APC: variants seen among roughly 807,000 people sequenced by gnomAD.
APC encodes adenomatous polyposis coli protein.
Under a neutral mutation model 247.0 loss-of-function variants are expected in APC, and 72 were observed. That is an observed-to-expected ratio of 0.29 (90% CI 0.24 to 0.35). The LOEUF is 0.35. Among genes scored for constraint, APC ranks in the 10% least tolerant of loss-of-function variants. The pLI, the probability that APC is intolerant of heterozygous loss-of-function variation, is 1.00. For synonymous variants in APC, 1,254 were observed against 1,162.5 expected, an observed-to-expected ratio of 1.08 and a Z score of -1.60; for missense variants, 3,400 against 3,360.7, an observed-to-expected ratio of 1.01 and a Z score of -0.29.
chr5:112,836,967 C>T (rs1466024587), intron 15 of APC, among the ~76,000 whole-genome samples: 1 of 152,184 alleles, frequency 6.6e-6, no homozygotes, highest in Non-Finnish European at 1.5e-5. Context: ...TCCTAAAGTG[C>T]TGGGATTACA....
chr5:112,783,765 CAAAAAAA>C (rs77929348), intron 6 of APC: 173 of 197,764 alleles, frequency 8.7e-4, no homozygotes, highest in South Asian at 1.3e-3. Context: ...CCACTGCACT[CAAAAAAA>C]AAAAAAAAAA....
At chr5:112,783,713 C>T in intron 6 of APC, 1 of 283,006 alleles carries the variant, frequency 3.5e-6, no homozygotes, top group South Asian at 3.1e-5. Flanking sequence ...AGGAGGATCC[C>T]TTGAGCCCAG....
intron 2 of APC, among the ~76,000 whole-genome samples, chr5:112,760,151 CAGG>C (rs947121921): frequency 2.0e-5 from 3 of 152,062 alleles, no homozygotes; most frequent in Admixed American, 6.6e-5. Flanking sequence ...TTGGCACAAG[CAGG>C]AGGACTTCAC....
At chr5:112,767,961 C>T (rs915019291) in intron 4 of APC, among the ~76,000 whole-genome samples, 1 of 152,018 alleles carries the variant, frequency 6.6e-6, no homozygotes, top group Non-Finnish European at 1.5e-5. Context: ...CCTGTAATCC[C>T]AGCTACTCTG....
Position 112,842,368 on chromosome 5 carries a change from C to T in APC, c.6774C>T (p.Ser2258=). 4 of 1,614,046 alleles carry T rather than the reference C, an allele frequency of 2.5e-6. No homozygotes were observed. Among genetic ancestry groups the T allele is most frequent in the Non-Finnish European group, 3.4e-6 (4 of 1,179,952 alleles). ...GCCCACCCCTTAAGACTCCAGCCTCCAAAAGCCCTAGTGAAGGTCAAACAG... is the reference window on the plus strand; with the variant it reads ...GCCCACCCCTTAAGACTCCAGCCTCTAAAAGCCCTAGTGAAGGTCAAACAG... ...KKGPPLKTPA[S]KSPSEGQTAT... Residue 2258 remains serine, a synonymous_variant, in exon 16 of 16, where the codon TCC becomes TCT. Coordinates refer to ENST00000257430, the MANE Select transcript of APC (RefSeq NM_000038.6).
chr5:112,844,399 C>G lies in APC; in HGVS notation c.*273C>G. 1 of 383,160 alleles carries G rather than the reference C, an allele frequency of 2.6e-6. No homozygotes were observed. The highest frequency in any genetic ancestry group is 4.7e-6 in the Non-Finnish European group (1 of 214,516). The allele number at this position is 383,160 out of a possible 1,614,324, so 23.7% of individuals were successfully genotyped here. A position where few individuals can be genotyped will look rare whatever the true frequency, so the allele number is the denominator to read the frequency against. On this transcript the variant is annotated 3_prime_UTR_variant, in exon 16 of 16. Transcript: ENST00000257430. ...ATGTATTTAAAGTAGCATCCCATCC[C>G]AACTTCCTTTAATTATTGCTTGTCT...
intron 1 of APC, among the ~76,000 whole-genome samples, chr5:112,724,645 T>A (rs1751675058): frequency 6.6e-6 from 1 of 152,104 alleles, no homozygotes; most frequent in African/African-American, 2.4e-5. Context: ...GAAGGAGGAC[T>A]TAGGGAAGGC....
intron 1 of APC, chr5:112,738,316 C>T: frequency 3.0e-6 from 3 of 985,482 alleles, no homozygotes; most frequent in Non-Finnish European, 1.2e-6. Flanking sequence ...AAAAGCTCTA[C>T]CCCATTGAAA....
intron 8 of APC, among the ~76,000 whole-genome samples, chr5:112,806,011 A>T (rs141401498): frequency 3.9e-5 from 6 of 152,086 alleles, no homozygotes; most frequent in African/African-American, 1.4e-4. Flanking sequence ...ACACCTCCAC[A>T]CTGGCCTTCT....
intron 5 of APC, among the ~76,000 whole-genome samples, chr5:112,779,298 A>G (rs1758065172): frequency 6.6e-6 from 1 of 152,222 alleles, no homozygotes; most frequent in African/African-American, 2.4e-5. Flanking sequence ...AGAATATACA[A>G]AAATCCAGAA....
chr5:112,732,956 A>G (rs1187088856), upstream of APC, among the ~76,000 whole-genome samples: 2 of 152,244 alleles, frequency 1.3e-5, no homozygotes, highest in South Asian at 2.1e-4. Flanking sequence ...GCTCTGCAAG[A>G]TAAGTCAGTT....
rs962983650 is a variant in APC, at chr5:112,845,886, C to G, written c.*1760C>G. ...CACTCTGTATTTGGGGAGGGAAAAC[C>G]TTTTTAAGCATGGTGGGGCACTCAG... On this transcript the variant is annotated 3_prime_UTR_variant, in exon 16 of 16. Transcript: ENST00000257430. 4 of 231,884 alleles carry G rather than the reference C, an allele frequency of 1.7e-5. No homozygotes were observed. Among genetic ancestry groups the G allele is most frequent in the Admixed American group, 1.1e-4 (2 of 17,732 alleles). 14.4% of individuals were successfully genotyped at this position (231,884 alleles called of 1,614,324 possible).
chr5:112,821,898 C>A lies in APC; in HGVS notation c.1315C>A (p.Pro439Thr), dbSNP rs1561545795. ...TTTATGTTGATTTTATTTTTCAGTG[C>A]CAGCTCCTGTTGAACATCAGATCTG... is the stretch of plus-strand genomic sequence containing the variant. ...PGMDQDKNPM[P>T]APVEHQICPA... is the part of the protein sequence containing the mutation. Residue 439 changes from proline (P) to threonine (T), a missense_variant and splice_region_variant, in exon 11 of 16, where the codon CCA becomes ACA. Pro to Thr is a conservative substitution (Grantham distance 38). This residue lies in a region of APC where 199 missense variants were observed against 212.5 expected (regional missense o/e 0.94). Transcript: ENST00000257430. 6.2e-7 allele frequency: 1 copy of A among 1,611,190 alleles called. No homozygotes were observed. Among genetic ancestry groups the A allele is most frequent in the Non-Finnish European group, 8.5e-7 (1 of 1,177,848 alleles).
intron 6 of APC, chr5:112,783,765 C>CAA (rs77929348): frequency 5.8e-3 from 1,149 of 197,560 alleles, no homozygotes; most frequent in South Asian, 9.6e-3. Context: ...CCACTGCACT[C>CAA]AAAAAAAAAA....
chr5:112,723,162 TA>T (rs1035541853), intron 1 of APC, among the ~76,000 whole-genome samples: 5 of 152,070 alleles, frequency 3.3e-5, no homozygotes, highest in African/African-American at 1.2e-4. Context: ...AAGAGGACTA[TA>T]ATAAGCATTA....
At chr5:112,830,692 A>G (rs1764202340) in intron 14 of APC, among the ~76,000 whole-genome samples, 1 of 152,248 alleles carries the variant, frequency 6.6e-6, no homozygotes, top group Non-Finnish European at 1.5e-5. Context: ...TGTACAAAGT[A>G]ATAGGATTCG....
At chr5:112,780,335 G>C (rs1758186708) in intron 5 of APC, among the ~76,000 whole-genome samples, 3 of 152,086 alleles carry the variant, frequency 2.0e-5, no homozygotes, top group Admixed American at 6.5e-5. Flanking sequence ...AACTTAATCT[G>C]TATGTATATG....
rs1295772559 is a variant in APC at position 112,845,901 on chromosome 5, G to A, written c.*1775G>A. 5 of 232,098 alleles carry A rather than the reference G, an allele frequency of 2.2e-5. No homozygotes were observed. In the Admixed American group the frequency reaches 2.3e-4, roughly 10 times the overall value. 14.4% of individuals were successfully genotyped at this position (232,098 alleles called of 1,614,324 possible). On this transcript the variant is annotated 3_prime_UTR_variant, in exon 16 of 16. Coordinates refer to ENST00000257430, the MANE Select transcript of APC (RefSeq NM_000038.6). ...GAGGGAAAACCTTTTTAAGCATGGT[G>A]GGGCACTCAGATAGGAGTGAATACA...
At chr5:112,792,051 G>T (rs1317721790) in intron 6 of APC, among the ~76,000 whole-genome samples, 1 of 152,144 alleles carries the variant, frequency 6.6e-6, no homozygotes, top group Non-Finnish European at 1.5e-5. Flanking sequence ...TTCGAGACCA[G>T]CCTGGCCAGT....
Sources: allele counts gnomAD v4.1 joint callset (sites outside exome capture counted in the v4.1 genomes callset), GRCh38; gene constraint gnomAD v4.1.1; regional missense constraint gnomAD v4.1.1; transcripts MANE v1.5; gene names NCBI Gene and HGNC (gene_info 2026-07-23, HGNC 2026-07-21).